Variants in RBFOX1 observed in about 807,000 individuals in gnomAD.
RBFOX1 encodes the protein RNA binding fox-1 homolog 1.
A neutral mutation model predicts 57.7 loss-of-function variants in RBFOX1; 8 were observed. That is an observed-to-expected ratio of 0.14 (90% CI 0.08 to 0.25). The LOEUF is 0.25. RBFOX1 is among the 10% of genes least tolerant of loss of function. RBFOX1 has a pLI of 1.00. For synonymous variants in RBFOX1, 326 were observed against 222.4 expected (o/e 1.47, Z -4.15); for missense variants, 611 against 548.5 (o/e 1.11, Z -1.14).
intron 3 of RBFOX1, among the ~76,000 whole-genome samples, chr16:5,782,294 C>T (rs926182876): frequency 6.6e-6 from 1 of 152,200 alleles, no homozygotes; most frequent in African/African-American, 2.4e-5. Context: ...AGGTCCCAGT[C>T]TGCATTTCAC....
intron 4 of RBFOX1, among the ~76,000 whole-genome samples, chr16:7,204,572 G>A (rs985924414): frequency 4.6e-5 from 7 of 152,156 alleles, no homozygotes; most frequent in African/African-American, 1.7e-4. Context: ...CTTGAGCCTG[G>A]GAGGTCAAGG....
chr16:7,700,178 C>T (rs1436940731), intron 14 of RBFOX1, among the ~76,000 whole-genome samples: 1 of 151,908 alleles, frequency 6.6e-6, no homozygotes, highest in Admixed American at 6.6e-5. Flanking sequence ...ACACATGTAC[C>T]CCTGGGGCTT....
chr16:7,076,657 T>C (rs902850894), intron 4 of RBFOX1, among the ~76,000 whole-genome samples: 2 of 152,216 alleles, frequency 1.3e-5, no homozygotes, highest in African/African-American at 4.8e-5. Flanking sequence ...TATACCATCA[T>C]ACTAACAAAG....
intron 3 of RBFOX1, among the ~76,000 whole-genome samples, chr16:5,720,433 T>A (rs551489116): frequency 2.0e-5 from 3 of 152,368 alleles, no homozygotes; most frequent in African/African-American, 7.2e-5. Flanking sequence ...CATAAAGTTT[T>A]AAATTTTTGT....
intron 9 of RBFOX1, among the ~76,000 whole-genome samples, chr16:7,598,730 T>G (rs1027622764): frequency 6.6e-6 from 1 of 152,186 alleles, no homozygotes; most frequent in African/African-American, 2.4e-5. Flanking sequence ...ACCTGGCATT[T>G]TTAATTGGGT....
intron 3 of RBFOX1, among the ~76,000 whole-genome samples, chr16:5,834,669 C>T (rs1013221316): frequency 7.1e-6 from 1 of 141,674 alleles, no homozygotes; most frequent in African/African-American, 2.7e-5. Flanking sequence ...AGTGGGATTG[C>T]TGGATTGAAT....
chr16:7,435,817 A>G (rs1429230579), intron 4 of RBFOX1, among the ~76,000 whole-genome samples: 1 of 152,230 alleles, frequency 6.6e-6, no homozygotes, highest in Non-Finnish European at 1.5e-5. Flanking sequence ...AAGAAATTAA[A>G]GGCTCATTCC....
chr16:7,239,850 A>G (rs1203807047), intron 4 of RBFOX1, among the ~76,000 whole-genome samples: 1 of 151,922 alleles, frequency 6.6e-6, no homozygotes, highest in East Asian at 1.9e-4. Flanking sequence ...ACTTGAAACT[A>G]CTACTTGAAA....
chr16:7,310,002 A>T (rs372268130), intron 4 of RBFOX1, among the ~76,000 whole-genome samples: 1 of 151,834 alleles, frequency 6.6e-6, no homozygotes, highest in Admixed American at 6.6e-5. Context: ...GCCCAAGAGA[A>T]CTCTGCCGGG....
At chr16:7,287,445 G>A (rs966796480) in intron 4 of RBFOX1, among the ~76,000 whole-genome samples, 1 of 152,094 alleles carries the variant, frequency 6.6e-6, no homozygotes, top group Non-Finnish European at 1.5e-5. Flanking sequence ...TGCTCTAAAG[G>A]ACCAGGACAG....
At chr16:5,564,678 C>A (rs148758018) in intron 2 of RBFOX1, among the ~76,000 whole-genome samples, 1 of 152,294 alleles carries the variant, frequency 6.6e-6, no homozygotes, top group East Asian at 1.9e-4. Context: ...TGGAACCTCT[C>A]CAGGCTTTCT....
chr16:7,702,755 A>C (rs8050094), intron 14 of RBFOX1, among the ~76,000 whole-genome samples: 68,995 of 152,130 alleles, frequency 0.45, 16,035 homozygotes, highest in African/African-American at 0.47. Context: ...TATGTTCCAG[A>C]TGCAGTTCCT....
At chr16:7,312,582 G>C (rs1287320686) in intron 4 of RBFOX1, among the ~76,000 whole-genome samples, 1 of 152,068 alleles carries the variant, frequency 6.6e-6, no homozygotes, top group Non-Finnish European at 1.5e-5. Context: ...ACCCTGTTTG[G>C]GAGCTCTTCT....
chr16:6,497,464 G>C (rs1318682659), intron 2 of RBFOX1, among the ~76,000 whole-genome samples: 2 of 151,920 alleles, frequency 1.3e-5, no homozygotes, highest in Non-Finnish European at 2.9e-5. Context: ...AAGTTGGTGT[G>C]AACTCTAGAA....
chr16:5,366,447 A>T, intron 1 of RBFOX1: 1 of 451,742 alleles, frequency 2.2e-6, no homozygotes, highest in Admixed American at 2.7e-5. Flanking sequence ...GAAAAGACTC[A>T]GAACCATCAT....
intron 2 of RBFOX1, among the ~76,000 whole-genome samples, chr16:6,380,566 G>C (rs938737943): frequency 1.3e-5 from 2 of 151,720 alleles, no homozygotes; most frequent in Admixed American, 1.3e-4. Context: ...GGCAGGTAAA[G>C]TTATGGACCA....
At chr16:6,615,568 TA>T (rs59851539) in intron 2 of RBFOX1, among the ~76,000 whole-genome samples, 12,611 of 138,308 alleles carry the variant, frequency 0.091, 533 homozygotes, top group Middle Eastern at 0.13. Context: ...AATCTCCATC[TA>T]AAAAAAAAAA....
At chr16:7,478,266 A>G (rs1450427817) in intron 4 of RBFOX1, among the ~76,000 whole-genome samples, 1 of 152,250 alleles carries the variant, frequency 6.6e-6, no homozygotes, top group African/African-American at 2.4e-5. Context: ...ATTGCGTAGA[A>G]TGAAGAGAAC....
chr16:6,655,428 A>AAC lies in RBFOX1; in HGVS notation c.-16+782_-16+783dup, dbSNP rs569989880. ...AGAGCTCGCGCTCAATTTCCATCAC[A>AAC]ACACATCAACACATTCATATGAGCA... is the stretch of plus-strand genomic sequence containing the variant. On this transcript the variant is annotated intron_variant, in intron 3 of 15. Transcript: ENST00000550418. Among the ~76,000 whole-genome samples, 637 of 129,468 alleles carry AAC rather than the reference A, an allele frequency of 4.9e-3. 4 individuals are homozygous for AAC. Among genetic ancestry groups the AAC allele is most frequent in the African/African-American group, 0.02 (603 of 29,652 alleles). The allele number at this position is 129,468 out of a possible 152,430, so 84.9% of individuals were successfully genotyped here. A position where few individuals can be genotyped will look rare whatever the true frequency, so the allele number is the denominator to read the frequency against.
Sources: gnomAD v4.1 joint callset for allele counts (sites outside exome capture counted in the v4.1 genomes callset) on GRCh38, gnomAD v4.1.1 for gene constraint, MANE v1.5 for transcripts, NCBI Gene and HGNC (gene_info 2026-07-23, HGNC 2026-07-21) for gene names.